GRIN2B: variants seen among roughly 807,000 people sequenced by gnomAD.
GRIN2B encodes glutamate receptor ionotropic, NMDA 2B.
A neutral mutation model predicts 114.5 loss-of-function variants in GRIN2B; 5 were observed. The observed-to-expected ratio is 0.04, with a 90% CI of 0.02 to 0.09. The LOEUF (loss-of-function observed/expected upper bound fraction) is 0.09. GRIN2B is among the 10% of genes least tolerant of loss of function. The probability of loss-of-function intolerance (pLI) is 1.00; values close to 1 mark genes in which losing one functional copy is unlikely to be tolerated. For synonymous variants in GRIN2B, 787 were observed against 745.1 expected (o/e 1.06, Z -0.92); for missense variants, 1,108 against 1,943.5 (o/e 0.57, Z 8.08).
chr12:13,562,605 T>C lies in GRIN2B; in HGVS notation c.*178A>G, dbSNP rs1359450415. ...GAACTGTGAAAAGGAGGAGAGATGG[T>C]GCTGGTCACCAGGGTTGCCCCCAGT... On this transcript the variant is annotated 3_prime_UTR_variant, in exon 14 of 14. Transcript: ENST00000609686. 1 of 629,760 alleles carries C rather than the reference T, an allele frequency of 1.6e-6. No individual in the cohort carries two copies. 39.0% of individuals were successfully genotyped at this position (629,760 alleles called of 1,614,324 possible).
At chr12:13,933,463 G>C (rs149493667) in intron 2 of GRIN2B, among the ~76,000 whole-genome samples, 230 of 152,234 alleles carry the variant, frequency 1.5e-3, no homozygotes, top group African/African-American at 5.5e-3. Context: ...CATTCCCCCA[G>C]ACATCTCCTT....
intron 2 of GRIN2B, among the ~76,000 whole-genome samples, chr12:13,884,312 T>G (rs976212716): frequency 6.6e-6 from 1 of 152,178 alleles, no homozygotes; most frequent in African/African-American, 2.4e-5. Flanking sequence ...CTACAAAAAT[T>G]TAAGAAACGT....
chr12:13,886,186 C>T (rs1315465915), intron 2 of GRIN2B, among the ~76,000 whole-genome samples: 2 of 152,118 alleles, frequency 1.3e-5, no homozygotes, highest in Non-Finnish European at 2.9e-5. Flanking sequence ...GTTGTAAAGG[C>T]AAAGATTATT....
intron 10 of GRIN2B, among the ~76,000 whole-genome samples, chr12:13,592,761 C>T (rs182882897): frequency 2.9e-3 from 444 of 152,314 alleles, no homozygotes; most frequent in Non-Finnish European, 5.0e-3. Context: ...CCTATTTTCA[C>T]ATCCACAAAA....
Position 13,615,964 on chromosome 12 carries a change from C to T in GRIN2B, c.1329-300G>A, listed in dbSNP as rs1949434251. ...CAGTTCAATGACTTTTCAGACTGAA[C>T]TCTTATTAATCAGCACCCGGATCCA... On this transcript the variant is annotated intron_variant, in intron 6 of 13. Transcript: ENST00000609686. This position sits in a 1 kb window ranked among gnomAD's most constrained non-coding sequence, Gnocchi z 5.8. 6.6e-6 allele frequency among the ~76,000 whole-genome samples: 1 copy of T among 152,236 alleles called. No homozygotes were observed. Among genetic ancestry groups the T allele is most frequent in the Admixed American group, 6.5e-5 (1 of 15,294 alleles).
intron 3 of GRIN2B, among the ~76,000 whole-genome samples, chr12:13,788,264 G>A (rs1248082263): frequency 6.6e-6 from 1 of 152,080 alleles, no homozygotes; most frequent in Non-Finnish European, 1.5e-5. Flanking sequence ...GGACAGAACT[G>A]GACTCTCAGA....
intron 4 of GRIN2B, among the ~76,000 whole-genome samples, chr12:13,720,059 A>G (rs1950492979): frequency 6.6e-6 from 1 of 152,084 alleles, no homozygotes; most frequent in African/African-American, 2.4e-5. Context: ...TGAGGGGAGC[A>G]TGATAGAAAC....
At chr12:13,856,001 G>T (rs1865654590) in intron 3 of GRIN2B, among the ~76,000 whole-genome samples, 1 of 152,184 alleles carries the variant, frequency 6.6e-6, no homozygotes, top group African/African-American at 2.4e-5. Context: ...AAGAGAGACA[G>T]ATGTGTTAAC....
upstream of GRIN2B, among the ~76,000 whole-genome samples, chr12:13,981,734 A>C (rs1193003716): frequency 1.3e-5 from 2 of 151,142 alleles, no homozygotes; most frequent in East Asian, 3.9e-4. Flanking sequence ...AGGCTGTGCA[A>C]GTCAACCGCG....
At chr12:13,938,127 C>T (rs1867161266) in intron 2 of GRIN2B, among the ~76,000 whole-genome samples, 1 of 151,266 alleles carries the variant, frequency 6.6e-6, no homozygotes. Flanking sequence ...TTTTATTTAC[C>T]CCAAAGAAGG....
At chr12:13,981,752 C>G (rs1024322473), upstream of GRIN2B, among the ~76,000 whole-genome samples, 1 of 141,412 alleles carries the variant, frequency 7.1e-6, no homozygotes, top group Non-Finnish European at 1.5e-5. Context: ...GCGCGGCAGC[C>G]GGAGAGGGAG....
intron 4 of GRIN2B, among the ~76,000 whole-genome samples, chr12:13,706,936 C>T (rs757101830): frequency 1.3e-5 from 2 of 152,070 alleles, no homozygotes; most frequent in Non-Finnish European, 2.9e-5. Context: ...GCCACCCCAT[C>T]TATTATCCCT....
rs191655828 is a variant in GRIN2B, at chr12:13,683,866, C to G, written c.1011-8007G>C. The G allele has an allele frequency of 2.0e-5, 3 of 152,222 alleles. No homozygotes were observed. In the East Asian group the frequency reaches 5.8e-4, roughly 29 times the overall value. 9.4% of individuals were successfully genotyped at this position (152,222 alleles called of 1,614,324 possible). A position where few individuals can be genotyped will look rare whatever the true frequency, so the allele number is the denominator to read the frequency against. The stretch of plus-strand genomic sequence containing the variant: ...TTATTATTACCTATTTTTTACATTG[C>G]CTGGGTGTCAGGGGAGTTAGCATTT... On this transcript the variant is annotated intron_variant, in intron 4 of 13. Coordinates refer to ENST00000609686, the MANE Select transcript of GRIN2B (RefSeq NM_000834.5).
intron 10 of GRIN2B, among the ~76,000 whole-genome samples, chr12:13,603,768 G>C (rs1282323844): frequency 6.6e-6 from 1 of 152,074 alleles, no homozygotes; most frequent in African/African-American, 2.4e-5. Flanking sequence ...CCTTATCTAT[G>C]TCACAGCTTT....
At chr12:13,817,768 C>T (rs557435275) in intron 3 of GRIN2B, among the ~76,000 whole-genome samples, 1 of 152,154 alleles carries the variant, frequency 6.6e-6, no homozygotes, top group African/African-American at 2.4e-5. Context: ...GGGTTTCCAA[C>T]CGCTCAGGAA....
intron 2 of GRIN2B, among the ~76,000 whole-genome samples, chr12:13,928,357 G>A (rs1421223401): frequency 6.6e-6 from 1 of 151,676 alleles, no homozygotes; most frequent in African/African-American, 2.4e-5. Context: ...ATCTAAAAGG[G>A]CAATGTGATT....
intron 4 of GRIN2B, among the ~76,000 whole-genome samples, chr12:13,694,569 G>C (rs1950242205): frequency 6.8e-6 from 1 of 147,788 alleles, no homozygotes; most frequent in Non-Finnish European, 1.5e-5. Context: ...GTGACAGACT[G>C]GAATTAAAAT....
At chr12:13,578,113 TATCTCC>T (rs1211156103) in intron 10 of GRIN2B, among the ~76,000 whole-genome samples, 2 of 152,166 alleles carry the variant, frequency 1.3e-5, no homozygotes, top group Non-Finnish European at 2.9e-5. Context: ...AGAGATAAGG[TATCTCC>T]ATGTTGTAAA....
At chr12:13,908,440 T>C (rs1022761836) in intron 2 of GRIN2B, among the ~76,000 whole-genome samples, 2 of 152,146 alleles carry the variant, frequency 1.3e-5, no homozygotes, top group Non-Finnish European at 2.9e-5. Context: ...AATACTAATA[T>C]TGTCCCATAT....
Sources: gnomAD v4.1 joint callset for allele counts (sites outside exome capture counted in the v4.1 genomes callset) on GRCh38, gnomAD v4.1.1 for gene constraint, Gnocchi (gnomAD v3.1) non-coding constraint, MANE v1.5 for transcripts, NCBI Gene and HGNC (gene_info 2026-07-23, HGNC 2026-07-21) for gene names.